ACOX3: variants seen among roughly 807,000 people sequenced by gnomAD.
The protein encoded by ACOX3 is peroxisomal acyl-coenzyme A oxidase 3.
ACOX3 carries 73 observed loss-of-function variants against 81.5 expected under a neutral mutation model. The ratio of observed to expected loss-of-function variants is 0.90; its 90% CI spans 0.74 to 1.09. The LOEUF is 1.09. ACOX3 is among the 50% of genes least tolerant of loss of function. The pLI, the probability that ACOX3 is intolerant of heterozygous loss-of-function variation, is 0.00. For missense variants in ACOX3, 947 were observed against 928.0 expected (o/e 1.02, Z -0.27); for synonymous variants, 387 against 375.1 (o/e 1.03, Z -0.37).
chr4:8,418,458 C>CAAAA (rs765799961), intron 1 of ACOX3, among the ~76,000 whole-genome samples: 1 of 49,734 alleles, frequency 2.0e-5, no homozygotes, highest in Non-Finnish European at 4.7e-5. Context: ...GACTCCATCT[C>CAAAA]AAAAAAAAAA....
chr4:8,418,631 G>A (rs1045762513), intron 1 of ACOX3, among the ~76,000 whole-genome samples: 2 of 152,078 alleles, frequency 1.3e-5, no homozygotes, highest in Admixed American at 6.5e-5. Flanking sequence ...AGGCCGAGAC[G>A]GGCGGATCAC....
intron 14 of ACOX3, among the ~76,000 whole-genome samples, chr4:8,378,980 T>C (rs771042811): frequency 2.1e-4 from 32 of 152,296 alleles, no homozygotes; most frequent in Admixed American, 1.4e-3. Flanking sequence ...CTCCTGGCCC[T>C]GGCTCCAGGT....
chr4:8,392,581 G>C, intron 10 of ACOX3, 128 bp from the exon 11 acceptor site: 1 of 1,091,356 alleles, frequency 9.2e-7, no homozygotes, highest in Non-Finnish European at 1.2e-6. Context: ...GAAAATGACA[G>C]AAGAGGAAAC....
At chr4:8,362,912 TACAA>T (rs1252958680), downstream of ACOX3, among the ~76,000 whole-genome samples, 6 of 152,258 alleles carry the variant, frequency 3.9e-5, no homozygotes, top group Non-Finnish European at 7.3e-5. Flanking sequence ...CTGTACTTTA[TACAA>T]ACAATCAGGC....
rs952696357 is a variant in ACOX3 at position 8,394,290 on chromosome 4, A to T, written c.1179+330T>A. Among the ~76,000 whole-genome samples the T allele has an allele frequency of 7.9e-5, 12 of 152,214 alleles. No homozygotes were observed. Among genetic ancestry groups the T allele is most frequent in the Non-Finnish European group, 1.5e-4 (10 of 68,040 alleles). On this transcript the variant is annotated intron_variant, in intron 10 of 17. Transcript: ENST00000356406. This position sits in a 1 kb window ranked among gnomAD's most constrained non-coding sequence, Gnocchi z 5.9. ...TCAGACCTTTGTGCAGCTGTTTACA[A>T]AAGGCTCAGAACCATGAAATCCACT... is the stretch of plus-strand genomic sequence containing the variant.
Position 8,385,462 on chromosome 4 carries a change from C to T in ACOX3, c.1537+3711G>A, listed in dbSNP as rs745781522. The stretch of plus-strand genomic sequence containing the variant: ...TGACCTTGCAGTCCACAAATACACA[C>T]GTGTCCGAGTAGTGAACACTGCAAC... On this transcript the variant is annotated intron_variant, in intron 13 of 17. Transcript: ENST00000356406. This position sits in a 1 kb window ranked among gnomAD's most constrained non-coding sequence, Gnocchi z 5.5. 4.6e-5 allele frequency among the ~76,000 whole-genome samples: 7 copies of T among 152,378 alleles called. No individual in the cohort carries two copies. In the East Asian group the frequency reaches 5.8e-4, roughly 13 times the overall value.
chr4:8,424,556 G>C (rs1723262409), intron 1 of ACOX3, among the ~76,000 whole-genome samples: 6 of 152,306 alleles, frequency 3.9e-5, no homozygotes, highest in Admixed American at 3.3e-4. Context: ...ATGATACAGG[G>C]AAGAGATCTT....
downstream of ACOX3, among the ~76,000 whole-genome samples, chr4:8,364,657 T>A (rs1399100521): frequency 6.6e-6 from 1 of 152,230 alleles, no homozygotes; most frequent in African/African-American, 2.4e-5. This position sits in a 1 kb window ranked among gnomAD's most constrained non-coding sequence, Gnocchi z 5.0. Flanking sequence ...CTCTCCTGCA[T>A]GAGAACCCGT....
rs1716103175 is a variant in ACOX3 at position 8,370,905 on chromosome 4, T to C, written c.1983+3A>G. 1.2e-6 allele frequency: 2 copies of C among 1,613,578 alleles called. No homozygotes were observed. Among genetic ancestry groups the C allele is most frequent in the Non-Finnish European group, 1.7e-6 (2 of 1,179,886 alleles). On this transcript the variant is annotated splice_donor_region_variant and intron_variant, in intron 17 of 17. Coordinates refer to ENST00000356406, the MANE Select transcript of ACOX3 (RefSeq NM_003501.3). The surrounding 1 kb of genome is among the most constrained non-coding windows in gnomAD (Gnocchi z 6.3). ...CTCCCGTGAGGCCCTGTCCTCCCTT[T>C]ACCTCGCCGTCGGCTCTGCCAATCG...
rs927304952 is a variant in ACOX3 at position 8,386,788 on chromosome 4, G to A, written c.1537+2385C>T. Reference sequence around the variant, plus strand: ...GGGCAGGGGAAGGCGCTGGGAAGCCGGACCGGCCCAGGCTCCACACCGGCT... The same window carrying A: ...GGGCAGGGGAAGGCGCTGGGAAGCCAGACCGGCCCAGGCTCCACACCGGCT... On this transcript the variant is annotated intron_variant, in intron 13 of 17. Coordinates refer to ENST00000356406, the MANE Select transcript of ACOX3 (RefSeq NM_003501.3). This position sits in a 1 kb window ranked among gnomAD's most constrained non-coding sequence, Gnocchi z 5.2. 1.3e-5 allele frequency among the ~76,000 whole-genome samples: 2 copies of A among 152,182 alleles called. No individual in the cohort carries two copies. Among genetic ancestry groups the A allele is most frequent in the Non-Finnish European group, 1.5e-5 (1 of 68,038 alleles).
Position 8,415,912 on chromosome 4 carries a change from T to A in ACOX3, c.232A>T (p.Asn78Tyr). ...AAGATCCGCTTGCATCGAAGGAAGT[T>A]CAGCTCGCGATACTTCTCCAAGGAC... is the stretch of plus-strand genomic sequence containing the variant. ...DLSLEKYREL[N>Y]FLRCKRIFEY... Residue 78 changes from asparagine to tyrosine, a missense_variant, in exon 3 of 18, where the codon AAC becomes TAC. Transcript: ENST00000356406. 1 of 1,614,184 alleles carries A rather than the reference T, an allele frequency of 6.2e-7. No homozygotes were observed. The highest frequency in any genetic ancestry group is 8.5e-7 in the Non-Finnish European group (1 of 1,180,036).
rs1720183475 is a variant in ACOX3 at position 8,399,957 on chromosome 4, A to G, written c.777-305T>C. ...TCTAAAAAAGAAAAAAATGTAGGTT[A>G]AAAAATAGGCTGGGTGTGGTGGCTT... On this transcript the variant is annotated intron_variant, in intron 7 of 17. Transcript: ENST00000356406. The surrounding 1 kb of genome is among the most constrained non-coding windows in gnomAD (Gnocchi z 4.9). 6.6e-6 allele frequency among the ~76,000 whole-genome samples: 1 copy of G among 152,158 alleles called. No homozygotes were observed. Among genetic ancestry groups the G allele is most frequent in the Non-Finnish European group, 1.5e-5 (1 of 68,028 alleles).
chr4:8,437,114 TA>T lies in ACOX3; in HGVS notation c.-15+3533del, dbSNP rs112888603. On this transcript the variant is annotated intron_variant, in intron 1 of 17. Coordinates refer to ENST00000356406, the MANE Select transcript of ACOX3 (RefSeq NM_003501.3). This position sits in a 1 kb window ranked among gnomAD's most constrained non-coding sequence, Gnocchi z 5.2. ...AAATATATATATTTACATATATATG[TA>T]AAAAAATATATGTAAATATATATAT... Among the ~76,000 whole-genome samples the T allele has an allele frequency of 3.5e-5, 5 of 142,156 alleles. No homozygotes were observed. The highest frequency in any genetic ancestry group is 1.0e-4 in the African/African-American group (4 of 38,668). 93.3% of individuals were successfully genotyped at this position (142,156 alleles called of 152,430 possible).
At chr4:8,411,784 GC>G (rs902409043) in intron 5 of ACOX3, among the ~76,000 whole-genome samples, 1 of 152,158 alleles carries the variant, frequency 6.6e-6, no homozygotes, top group African/African-American at 2.4e-5. Flanking sequence ...TCTCCCCCCA[GC>G]CCACAACTTC....
At chr4:8,409,867 G>C (rs1159982429) in intron 6 of ACOX3, among the ~76,000 whole-genome samples, 1 of 151,660 alleles carries the variant, frequency 6.6e-6, no homozygotes, top group Non-Finnish European at 1.5e-5. Context: ...GCTGCTGGTG[G>C]GGCTGTAGGA....
At position 8,414,200 on chromosome 4, in the gene ACOX3, T is replaced by A. The variant is rs757702735; in HGVS notation, c.543+92A>T. ...TATGTGGACAGGCCTCTTGCTTTAA[T>A]GTTTTTTTTTTCTTATTCTGGGCAA... On this transcript the variant is annotated intron_variant, in intron 5 of 17. Coordinates refer to ENST00000356406, the MANE Select transcript of ACOX3 (RefSeq NM_003501.3). This position sits in a 1 kb window ranked among gnomAD's most constrained non-coding sequence, Gnocchi z 6.1. 4.7e-6 allele frequency: 5 copies of A among 1,069,724 alleles called. No homozygotes were observed. The highest frequency in any genetic ancestry group is 7.1e-6 in the Non-Finnish European group (5 of 701,118). The allele number at this position is 1,069,724 out of a possible 1,614,324, so 66.3% of individuals were successfully genotyped here. A position where few individuals can be genotyped will look rare whatever the true frequency, so the allele number is the denominator to read the frequency against.
Position 8,414,979 on chromosome 4 carries a change from G to A in ACOX3, c.379-51C>T. ...ACAGGGGGCAGGTAAGAAGAGTACT[G>A]CTCTTCCGGAACATCACAACAGACA... On this transcript the variant is annotated intron_variant, in intron 3 of 17. Coordinates refer to ENST00000356406, the MANE Select transcript of ACOX3 (RefSeq NM_003501.3). This position sits in a 1 kb window ranked among gnomAD's most constrained non-coding sequence, Gnocchi z 6.1. The A allele has an allele frequency of 6.6e-7, 1 of 1,516,836 alleles. No homozygotes were observed. Among genetic ancestry groups the A allele is most frequent in the Middle Eastern group, 1.7e-4 (1 of 5,894 alleles). The allele number at this position is 1,516,836 out of a possible 1,614,324, so 94.0% of individuals were successfully genotyped here. A position where few individuals can be genotyped will look rare whatever the true frequency, so the allele number is the denominator to read the frequency against.
At chr4:8,427,760 C>T (rs1723641928) in intron 1 of ACOX3, among the ~76,000 whole-genome samples, 1 of 152,208 alleles carries the variant, frequency 6.6e-6, no homozygotes, top group Non-Finnish European at 1.5e-5. Context: ...GAGCAAAGAC[C>T]GGCCAGTAAC....
At chr4:8,374,040 A>C in intron 15 of ACOX3, 3 of 208,552 alleles carry the variant, frequency 1.4e-5, no homozygotes, top group Non-Finnish European at 2.9e-5. Flanking sequence ...GCCTGGGACC[A>C]CCCAGGGGAG....
Sources: allele counts gnomAD v4.1 joint callset (sites outside exome capture counted in the v4.1 genomes callset), GRCh38; gene constraint gnomAD v4.1.1; non-coding constraint Gnocchi (gnomAD v3.1); transcripts MANE v1.5; gene names NCBI Gene and HGNC (gene_info 2026-07-23, HGNC 2026-07-21).